Variants in TMCC3 observed in about 807,000 individuals in gnomAD.
TMCC3 encodes transmembrane and coiled-coil domain protein 3.
TMCC3 carries 28 observed loss-of-function variants against 40.2 expected under a neutral mutation model. The ratio of observed to expected loss-of-function variants is 0.70; its 90% confidence interval spans 0.52 to 0.95. TMCC3 has a LOEUF of 0.95. Ranked by LOEUF, TMCC3 falls within the 40% of genes least tolerant of loss-of-function variation. TMCC3 has a pLI of 0.00. For synonymous variants in TMCC3, 255 were observed against 248.5 expected, an observed-to-expected ratio of 1.03 and a Z score of -0.25; for missense variants, 554 against 615.2, an observed-to-expected ratio of 0.90 and a Z score of 1.05.
intron 1 of TMCC3, among the ~76,000 whole-genome samples, chr12:94,582,965 C>CTTTTTT (rs753900771): frequency 1.7e-4 from 10 of 59,952 alleles, no homozygotes; most frequent in Non-Finnish European, 2.0e-4. Context: ...GAAGGAGAAT[C>CTTTTTT]TTTTTTTTTT....
intron 2 of TMCC3, among the ~76,000 whole-genome samples, chr12:94,579,445 T>C (rs1220573470): frequency 6.6e-6 from 1 of 152,206 alleles, no homozygotes; most frequent in Non-Finnish European, 1.5e-5. Flanking sequence ...AGGTGGAGGC[T>C]GCAGTGAGCC....
At chr12:94,623,774 G>A (rs1390533027) in intron 1 of TMCC3, among the ~76,000 whole-genome samples, 1 of 152,254 alleles carries the variant, frequency 6.6e-6, no homozygotes, top group Non-Finnish European at 1.5e-5. Flanking sequence ...ACGGCCCAGA[G>A]CCTTCCAACC....
chr12:94,615,811 A>T, intron 1 of TMCC3: 3 of 584,674 alleles, frequency 5.1e-6, no homozygotes, highest in Non-Finnish European at 6.5e-6. Flanking sequence ...TTAAGAGCAC[A>T]AAGACAAATT....
At chr12:94,640,296 A>G (rs996613396) in intron 1 of TMCC3, among the ~76,000 whole-genome samples, 1 of 151,866 alleles carries the variant, frequency 6.6e-6, no homozygotes, top group Non-Finnish European at 1.5e-5. Context: ...TGATCCTCCC[A>G]CCTCAGCCTC....
rs1295609019 is a variant in TMCC3 at position 94,568,685 on chromosome 12, G to A, written c.*2750C>T. On this transcript the variant is annotated 3_prime_UTR_variant, in exon 4 of 4. Coordinates refer to ENST00000261226, the MANE Select transcript of TMCC3 (RefSeq NM_020698.4). Reference sequence around the variant, plus strand: ...TCCTTAAGAGAGAATAAACTGCAGAGATTAAAAGTTTCCTTCGAGTGTATC... The same window carrying A: ...TCCTTAAGAGAGAATAAACTGCAGAAATTAAAAGTTTCCTTCGAGTGTATC... 1 of 152,166 alleles carries A rather than the reference G, an allele frequency of 6.6e-6. No homozygotes were observed. The highest frequency in any genetic ancestry group is 1.5e-5 in the Non-Finnish European group (1 of 68,024). The allele number at this position is 152,166 out of a possible 1,614,324, so 9.4% of individuals were successfully genotyped here.
chr12:94,571,767 A>G, intron 3 of TMCC3, 30 bp from the exon 4 acceptor site: 1 of 1,609,370 alleles, frequency 6.2e-7, no homozygotes, highest in Non-Finnish European at 8.5e-7. Flanking sequence ...CAAGGGTCAA[A>G]CGGTGTTGGG....
intron 1 of TMCC3, among the ~76,000 whole-genome samples, chr12:94,591,629 A>C (rs1247347731): frequency 6.6e-6 from 1 of 152,070 alleles, no homozygotes; most frequent in Admixed American, 6.5e-5. Flanking sequence ...GGTGGCATGC[A>C]CTTGTAATCC....
In TMCC3 at chr12:94,571,693, G is replaced by A; in HGVS notation, c.1176C>T (p.Leu392=). ...GCAGAGCTTGCTGCTCTTGCTGGTG[G>A]AGCTCCAGCTTAGAAATGCGAGTCT... ...SCQTRISKLE[L]HQQEQQALQT... is the part of the protein sequence containing the mutation. The change falls in exon 4 of 4, where the codon CTC becomes CTT. Residue 392 remains leucine (L), a synonymous_variant. Coordinates refer to ENST00000261226, the MANE Select transcript of TMCC3 (RefSeq NM_020698.4). The A allele has an allele frequency of 6.2e-7, 1 of 1,614,168 alleles. No homozygotes were observed. Among genetic ancestry groups the A allele is most frequent in the South Asian group, 1.1e-5 (1 of 91,090 alleles).
Position 94,578,626 on chromosome 12 carries a change from C to T in TMCC3, c.996-97G>A, listed in dbSNP as rs2068582503. 3.0e-6 allele frequency: 4 copies of T among 1,349,808 alleles called. No individual in the cohort carries two copies. In the Admixed American group the frequency reaches 1.0e-4, roughly 34 times the overall value. 83.6% of individuals were successfully genotyped at this position (1,349,808 alleles called of 1,614,324 possible). On this transcript the variant is annotated intron_variant, in intron 2 of 3. Transcript: ENST00000261226. ...TCCTGCGCCAGTACCTTTTGGCTTGCTCTCATTCCCTGATGGGCTGTTTTT... is the reference window on the plus strand; with the variant it reads ...TCCTGCGCCAGTACCTTTTGGCTTGTTCTCATTCCCTGATGGGCTGTTTTT...
intron 1 of TMCC3, among the ~76,000 whole-genome samples, chr12:94,611,276 A>G (rs1013191544): frequency 6.6e-6 from 1 of 152,228 alleles, no homozygotes; most frequent in African/African-American, 2.4e-5. Flanking sequence ...AACAAATTTT[A>G]TGGGACTAAG....
chr12:94,645,404 GA>G (rs1489631672), intron 1 of TMCC3, among the ~76,000 whole-genome samples: 1 of 152,102 alleles, frequency 6.6e-6, no homozygotes, highest in Non-Finnish European at 1.5e-5. Context: ...CTTGGAACTA[GA>G]AGTGTTTCAG....
At chr12:94,575,964 A>AT (rs952452379) in intron 3 of TMCC3, among the ~76,000 whole-genome samples, 11 of 151,844 alleles carry the variant, frequency 7.2e-5, no homozygotes, top group Admixed American at 6.6e-4. Context: ...TAAAAAAAAA[A>AT]TTTTTTTCTA....
intron 1 of TMCC3, among the ~76,000 whole-genome samples, chr12:94,640,632 G>A (rs2068985098): frequency 6.6e-6 from 1 of 152,202 alleles, no homozygotes; most frequent in Non-Finnish European, 1.5e-5. Context: ...CAGGTGGTAT[G>A]AGGCTGTGTG....
At chr12:94,626,322 C>A (rs1248080659) in intron 1 of TMCC3, among the ~76,000 whole-genome samples, 3 of 152,172 alleles carry the variant, frequency 2.0e-5, no homozygotes, top group Non-Finnish European at 4.4e-5. Context: ...TCTTAAAGAA[C>A]ACCTAAGTAA....
intron 1 of TMCC3, among the ~76,000 whole-genome samples, chr12:94,633,430 G>T (rs577108656): frequency 6.6e-6 from 1 of 152,228 alleles, no homozygotes; most frequent in South Asian, 2.1e-4. Flanking sequence ...AGATATATGG[G>T]TATCATAGTT....
chr12:94,604,642 C>CAA (rs62951060), intron 1 of TMCC3, among the ~76,000 whole-genome samples: 42,495 of 115,794 alleles, frequency 0.37, 8,935 homozygotes, highest in Non-Finnish European at 0.46. Context: ...CCATCTCTAC[C>CAA]AAAAAAAAAA....
At chr12:94,604,354 C>T (rs1055864230) in intron 1 of TMCC3, among the ~76,000 whole-genome samples, 1 of 152,084 alleles carries the variant, frequency 6.6e-6, no homozygotes, top group East Asian at 1.9e-4. Flanking sequence ...ATTTAGGTTG[C>T]AAACCAAGCC....
intron 1 of TMCC3, among the ~76,000 whole-genome samples, chr12:94,621,947 C>T (rs2138868960): frequency 6.6e-6 from 1 of 152,278 alleles, no homozygotes; most frequent in Non-Finnish European, 1.5e-5. Context: ...CCTCGGAATT[C>T]TTTCACTTTC....
chr12:94,649,007 T>C (rs1377052596), intron 1 of TMCC3, among the ~76,000 whole-genome samples: 1 of 152,236 alleles, frequency 6.6e-6, no homozygotes, highest in Non-Finnish European at 1.5e-5. Flanking sequence ...CTTCAATGTT[T>C]ATTCCAAATG....
Sources: allele counts gnomAD v4.1 joint callset (sites outside exome capture counted in the v4.1 genomes callset), GRCh38; gene constraint gnomAD v4.1.1; transcripts MANE v1.5; gene names NCBI Gene and HGNC (gene_info 2026-07-23, HGNC 2026-07-21).